The following FNDC3A variants were observed in gnomAD, a reference collection of about 807,000 sequenced individuals.
The protein encoded by FNDC3A is fibronectin type III domain containing 3A.
In FNDC3A, 32 loss-of-function variants were observed where a neutral mutation model predicts 148.9. The ratio of observed to expected loss-of-function variants is 0.21; its 90% confidence interval spans 0.16 to 0.29. The LOEUF is 0.29. FNDC3A is among the 10% of genes least tolerant of loss of function. FNDC3A has a pLI of 1.00. For missense variants in FNDC3A, 1,191 were observed against 1,452.8 expected, an observed-to-expected ratio of 0.82 and a Z score of 2.93; for synonymous variants, 472 against 473.6, an observed-to-expected ratio of 1.00 and a Z score of 0.04.
At chr13:49,089,772 C>T (rs907904840) in intron 3 of FNDC3A, among the ~76,000 whole-genome samples, 2 of 152,212 alleles carry the variant, frequency 1.3e-5, no homozygotes, top group East Asian at 3.8e-4. Flanking sequence ...AGACCCCGAA[C>T]AGAGAAGCCA....
intron 2 of FNDC3A, among the ~76,000 whole-genome samples, chr13:49,009,159 C>A (rs1952285041): frequency 6.6e-6 from 1 of 152,142 alleles, no homozygotes; most frequent in African/African-American, 2.4e-5. Flanking sequence ...AAATCCTTGG[C>A]AACCACTGAT....
intron 1 of FNDC3A, among the ~76,000 whole-genome samples, chr13:48,989,425 T>C (rs577066302): frequency 5.9e-5 from 9 of 152,306 alleles, no homozygotes; most frequent in Non-Finnish European, 1.0e-4. Context: ...AAAACAGTTA[T>C]GACTGTTGGA....
At chr13:49,179,278 C>G (rs193127283) in intron 14 of FNDC3A, among the ~76,000 whole-genome samples, 9 of 152,212 alleles carry the variant, frequency 5.9e-5, no homozygotes, top group Admixed American at 2.0e-4. Flanking sequence ...GAAAATAATG[C>G]TACATTTTTC....
At position 49,131,228 on chromosome 13, in the gene FNDC3A, C is replaced by T. The variant is rs768218893; in HGVS notation, c.344C>T (p.Pro115Leu). Reference protein sequence around the residue: ...PGSHTVLHRSPHPPLPGFIPV... With the variant: ...PGSHTVLHRSLHPPLPGFIPV... ...AGTCACACAGTTCTCCACCGTTCTC[C>T]ACATCCTCCTCTACCTGGTTTCATT... Residue 115 changes from proline to leucine, a missense_variant, in exon 5 of 26, where the codon CCA (proline) becomes CTA (leucine). Pro to Leu is a moderately conservative substitution (Grantham distance 98). This residue lies in a region of FNDC3A where 426 missense variants were observed against 473.2 expected (regional missense o/e 0.90). Transcript: ENST00000492622. 2.5e-6 allele frequency: 4 copies of T among 1,614,114 alleles called. No homozygotes were observed. The highest frequency in any genetic ancestry group is 1.7e-5 in the Admixed American group (1 of 60,022).
intron 1 of FNDC3A, among the ~76,000 whole-genome samples, chr13:49,005,698 A>G (rs1460895078): frequency 6.6e-6 from 1 of 151,930 alleles, no homozygotes; most frequent in African/African-American, 2.4e-5. Context: ...TAGTTCCTAG[A>G]GACAGATAGG....
intron 1 of FNDC3A, among the ~76,000 whole-genome samples, chr13:49,004,185 A>C (rs970847052): frequency 1.3e-5 from 2 of 152,164 alleles, no homozygotes; most frequent in Non-Finnish European, 2.9e-5. Flanking sequence ...GAATGTAGAA[A>C]GTGAGTAGTA....
At chr13:49,125,267 G>A (rs779904710) in intron 4 of FNDC3A, among the ~76,000 whole-genome samples, 11 of 152,170 alleles carry the variant, frequency 7.2e-5, no homozygotes, top group Admixed American at 5.2e-4. Flanking sequence ...ATGGGCAGGG[G>A]AGTGTGAGAA....
intron 4 of FNDC3A, among the ~76,000 whole-genome samples, chr13:49,118,722 G>A (rs970702408): frequency 1.3e-5 from 2 of 152,294 alleles, no homozygotes; most frequent in South Asian, 4.1e-4. Flanking sequence ...CCTGAGCAGT[G>A]TAAACAAAGC....
intron 4 of FNDC3A, among the ~76,000 whole-genome samples, chr13:49,129,708 G>A (rs1037212394): frequency 6.6e-6 from 1 of 152,124 alleles, no homozygotes; most frequent in South Asian, 2.1e-4. Context: ...TGAAAACAAG[G>A]CATTATGGTT....
chr13:49,164,857 C>T (rs111516535), intron 8 of FNDC3A, among the ~76,000 whole-genome samples: 8 of 152,322 alleles, frequency 5.3e-5, no homozygotes, highest in South Asian at 2.1e-4. Context: ...CCGCCTGCCT[C>T]GGCCTCCCGA....
chr13:49,023,935 T>G (rs1292795202), intron 2 of FNDC3A, among the ~76,000 whole-genome samples: 7 of 151,682 alleles, frequency 4.6e-5, no homozygotes, highest in Non-Finnish European at 8.9e-5. Context: ...ATAAAAAAGA[T>G]TACAAAACCA....
At chr13:49,016,686 G>A (rs1390771658) in intron 2 of FNDC3A, among the ~76,000 whole-genome samples, 1 of 152,078 alleles carries the variant, frequency 6.6e-6, no homozygotes, top group Non-Finnish European at 1.5e-5. Flanking sequence ...TCTTTTAATT[G>A]TGATGTTAGG....
intron 1 of FNDC3A, among the ~76,000 whole-genome samples, chr13:49,001,551 C>T (rs1295178812): frequency 6.6e-6 from 1 of 152,186 alleles, no homozygotes; most frequent in Admixed American, 6.5e-5. Context: ...AGAAACATCA[C>T]TGAATTCTTT....
intron 19 of FNDC3A, among the ~76,000 whole-genome samples, chr13:49,192,141 T>C (rs934683507): frequency 9.8e-5 from 15 of 152,324 alleles, no homozygotes; most frequent in Non-Finnish European, 1.5e-4. Flanking sequence ...CTCAGCTAAA[T>C]AACAATTTCT....
chr13:49,114,547 G>A, intron 3 of FNDC3A, 108 bp from the exon 4 acceptor site: 1 of 706,170 alleles, frequency 1.4e-6, no homozygotes, highest in Non-Finnish European at 2.6e-6. Context: ...TGTAGTTACT[G>A]TTGGCTTGAG....
chr13:49,191,447 T>C (rs2138108526), intron 19 of FNDC3A, 63 bp downstream of exon 19: 2 of 1,329,020 alleles, frequency 1.5e-6, no homozygotes, highest in South Asian at 3.2e-5. Context: ...TTTTAACATA[T>C]ATCATCATAT....
At chr13:48,981,271 G>C (rs1351263220) in intron 1 of FNDC3A, among the ~76,000 whole-genome samples, 1 of 152,036 alleles carries the variant, frequency 6.6e-6, no homozygotes, top group East Asian at 1.9e-4. Flanking sequence ...CTAGTTCTTA[G>C]TTCTAACTTC....
intron 2 of FNDC3A, among the ~76,000 whole-genome samples, chr13:49,034,295 C>T (rs984060491): frequency 2.6e-5 from 4 of 151,972 alleles, no homozygotes; most frequent in African/African-American, 9.7e-5. Flanking sequence ...AGAAACATAA[C>T]TCTTTTACAG....
intron 2 of FNDC3A, among the ~76,000 whole-genome samples, chr13:49,015,676 G>A (rs1289875049): frequency 6.6e-6 from 1 of 152,094 alleles, no homozygotes; most frequent in Non-Finnish European, 1.5e-5. Context: ...TCCCTGTCTT[G>A]TGCCAGTTTT....
Sources: allele counts gnomAD v4.1 joint callset (sites outside exome capture counted in the v4.1 genomes callset), GRCh38; gene constraint gnomAD v4.1.1; regional missense constraint gnomAD v4.1.1; transcripts MANE v1.5; gene names NCBI Gene and HGNC (gene_info 2026-07-23, HGNC 2026-07-21).